NHSL2: variants seen among roughly 807,000 people sequenced by gnomAD.
NHSL2 encodes the protein NHS like 2, also known as NHS-like protein 2.
Under a neutral mutation model 53.4 loss-of-function variants are expected in NHSL2, and 27 were observed. That is an observed-to-expected ratio of 0.51 (90% CI 0.37 to 0.70). NHSL2 has a LOEUF of 0.70. NHSL2 is among the 30% of genes least tolerant of loss of function. The pLI is 0.00. For missense variants in NHSL2, 892 were observed against 980.1 expected, an observed-to-expected ratio of 0.91 and a Z score of 1.20; for synonymous variants, 408 against 404.1, an observed-to-expected ratio of 1.01 and a Z score of -0.12.
intron 1 of NHSL2, among the ~76,000 whole-genome samples, chrX:72,084,566 C>A (rs778947213): frequency 8.9e-6 from 1 of 112,113 alleles, no homozygotes; most frequent in South Asian, 3.7e-4. Flanking sequence ...CAGGCTGCCC[C>A]CAGGAGGAAG....
chrX:71,983,941 G>A (rs867425862), intron 1 of NHSL2, among the ~76,000 whole-genome samples: 11 of 111,005 alleles, frequency 9.9e-5, no homozygotes, highest in South Asian at 7.9e-4. Flanking sequence ...ATCTTGTGCC[G>A]ACCCCCTATC....
chrX:72,069,668 G>C (rs1422201412), intron 1 of NHSL2: 12 of 936,580 alleles, frequency 1.3e-5, no homozygotes, highest in Non-Finnish European at 2.6e-6. Context: ...CGCCGCGGTG[G>C]CTGCCAGTCC....
At chrX:72,135,124 G>A (rs1311338532) in intron 4 of NHSL2, among the ~76,000 whole-genome samples, 1 of 111,552 alleles carries the variant, frequency 9.0e-6, no homozygotes, top group Non-Finnish European at 1.9e-5. Flanking sequence ...TGGAGTGCTG[G>A]TGGTAACAAG....
rs1285756920 is a variant in NHSL2, at chrX:72,144,497, A to G, written c.*923A>G. Reference sequence around the variant, plus strand: ...TAAAATTCATTACAGGAAGTAATTAACTGAAGGAACAGCATCATCAAAGGC... The same window carrying G: ...TAAAATTCATTACAGGAAGTAATTAGCTGAAGGAACAGCATCATCAAAGGC... On this transcript the variant is annotated 3_prime_UTR_variant, in exon 8 of 8. Transcript: ENST00000633930. 3.9e-6 allele frequency: 4 copies of G among 1,013,577 alleles called. No individual in the cohort carries two copies. Among genetic ancestry groups the G allele is most frequent in the African/African-American group, 3.9e-5 (2 of 51,790 alleles). The allele number at this position is 1,013,577 out of a possible 1,213,427, so 83.5% of individuals were successfully genotyped here.
At position 72,134,164 on chromosome X, in the gene NHSL2, G is replaced by A; in HGVS notation, c.510G>A (p.Lys170=). The A allele has an allele frequency of 1.7e-6, 2 of 1,167,287 alleles. No homozygotes were observed. The highest frequency in any genetic ancestry group is 2.3e-6 in the Non-Finnish European group (2 of 872,104). ...TCCGCTCTTCTGATGAGGCCACTAAGCCCACCCCCAACCCAAGGCCCCAGT... is the reference window on the plus strand; with the variant it reads ...TCCGCTCTTCTGATGAGGCCACTAAACCCACCCCCAACCCAAGGCCCCAGT... ...QTFRSSDEAT[K]PTPNPRPQSA... The change falls in exon 3 of 8, where the codon AAG becomes AAA. Residue 170 remains lysine (K), a synonymous_variant. Transcript: ENST00000633930.
Position 72,147,238 on chromosome X carries a change from A to G in NHSL2, c.*3664A>G, listed in dbSNP as rs2042471158. 8.9e-6 allele frequency: 1 copy of G among 112,058 alleles called. No individual in the cohort carries two copies. The highest frequency in any genetic ancestry group is 1.9e-5 in the Non-Finnish European group (1 of 53,217). The allele number at this position is 112,058 out of a possible 1,213,427, so 9.2% of individuals were successfully genotyped here. A position where few individuals can be genotyped will look rare whatever the true frequency, so the allele number is the denominator to read the frequency against. ...CTTCCATTATCAAGTCTGTGACACA[A>G]TGGTGAGCTTTCGCTTTAATATGAT... On this transcript the variant is annotated 3_prime_UTR_variant, in exon 8 of 8. Coordinates refer to ENST00000633930, the MANE Select transcript of NHSL2 (RefSeq NM_001013627.3).
intron 1 of NHSL2, among the ~76,000 whole-genome samples, chrX:71,974,316 C>T (rs1378668724): frequency 9.0e-6 from 1 of 111,440 alleles, no homozygotes; most frequent in East Asian, 2.8e-4. Context: ...GGAAAGAAAG[C>T]ATATAGAACA....
At chrX:72,135,806 G>C (rs1292639294) in intron 4 of NHSL2, among the ~76,000 whole-genome samples, 2 of 111,979 alleles carry the variant, frequency 1.8e-5, no homozygotes, top group East Asian at 5.6e-4. Flanking sequence ...AGGCTGAGGT[G>C]GGTGGATCCT....
chrX:71,933,162 T>C, intron 1 of NHSL2, among the ~76,000 whole-genome samples: 2 of 111,845 alleles, frequency 1.8e-5, no homozygotes, highest in South Asian at 7.6e-4. Context: ...CTTCCAAGTA[T>C]CTGATTTGTA....
In NHSL2 at chrX:71,942,643, T is replaced by G. The variant is rs573997173; in HGVS notation, c.280+31276T>G. On this transcript the variant is annotated intron_variant, in intron 1 of 7. Coordinates refer to ENST00000633930, the MANE Select transcript of NHSL2 (RefSeq NM_001013627.3). ...TATTATTGTTTAAAGCCATGTAAAG[T>G]TTTAGAAAAGGAAGTTTATTTAAAG... is the stretch of plus-strand genomic sequence containing the variant. Among the ~76,000 whole-genome samples, 4 of 112,631 alleles carry G rather than the reference T, an allele frequency of 3.6e-5. No homozygotes were observed. The South Asian group carries it at 1.5e-3, about 42-fold the overall frequency.
At chrX:72,052,289 G>A (rs2042345114) in intron 1 of NHSL2, among the ~76,000 whole-genome samples, 1 of 112,361 alleles carries the variant, frequency 8.9e-6, no homozygotes, top group African/African-American at 3.2e-5. Flanking sequence ...AGGCACACCT[G>A]TCTGACTGGA....
In NHSL2 at chrX:71,964,011, G is replaced by GTGTATATATATATACATA. The variant is rs1556312263; in HGVS notation, c.280+52645_280+52646insGTATATATATATACATAT. ...TATATATGTATATACATATATATAT[G>GTGTATATATATATACATA]TATATATATATATGTGTATATATAT... On this transcript the variant is annotated intron_variant, in intron 1 of 7. Transcript: ENST00000633930. Among the ~76,000 whole-genome samples, 5 of 12,177 alleles carry GTGTATATATATATACATA rather than the reference G, an allele frequency of 4.1e-4. 1 individual carries two copies. The highest frequency in any genetic ancestry group is 1.3e-3 in the Non-Finnish European group (3 of 2,233). The allele number at this position is 12,177 out of a possible 115,157, so 10.6% of individuals were successfully genotyped here. A position where few individuals can be genotyped will look rare whatever the true frequency, so the allele number is the denominator to read the frequency against.
intron 1 of NHSL2, among the ~76,000 whole-genome samples, chrX:72,076,605 C>T (rs1396380463): frequency 8.9e-6 from 1 of 111,751 alleles, no homozygotes; most frequent in Non-Finnish European, 1.9e-5. Flanking sequence ...CATTATCAAG[C>T]TGGGAGAAAC....
At chrX:71,937,227 G>A (rs1199216161) in intron 1 of NHSL2, among the ~76,000 whole-genome samples, 1 of 111,601 alleles carries the variant, frequency 9.0e-6, no homozygotes, top group African/African-American at 3.3e-5. Flanking sequence ...GAACAAAAAG[G>A]TGGAGCTCAT....
At chrX:72,098,683 A>G (rs1262626379) in intron 1 of NHSL2, among the ~76,000 whole-genome samples, 1 of 111,804 alleles carries the variant, frequency 8.9e-6, no homozygotes, top group Non-Finnish European at 1.9e-5. Context: ...TCTGATTTTT[A>G]AAATTTTATT....
intron 1 of NHSL2, among the ~76,000 whole-genome samples, chrX:72,106,965 G>T (rs1367753686): frequency 9.3e-6 from 1 of 107,430 alleles, no homozygotes; most frequent in African/African-American, 3.4e-5. Flanking sequence ...GGCTTGTCGG[G>T]GGGTGGGGGC....
chrX:72,094,369 G>A (rs2041926917), intron 1 of NHSL2, among the ~76,000 whole-genome samples: 1 of 111,842 alleles, frequency 8.9e-6, no homozygotes, highest in African/African-American at 3.3e-5. Context: ...TTGTTTATGA[G>A]CACATACATA....
At chrX:72,040,098 AC>A (rs1409660688) in intron 1 of NHSL2, among the ~76,000 whole-genome samples, 5 of 112,318 alleles carry the variant, frequency 4.5e-5, no homozygotes. Context: ...GCTTGGGGCT[AC>A]AGGCAGCCTT....
chrX:71,930,433 A>G (rs1722989925), intron 1 of NHSL2, among the ~76,000 whole-genome samples: 1 of 112,641 alleles, frequency 8.9e-6, no homozygotes, highest in Non-Finnish European at 1.9e-5. Context: ...TTTAAAGTGT[A>G]TAATTCAGTG....
Sources: gnomAD v4.1 joint callset for allele counts (sites outside exome capture counted in the v4.1 genomes callset) on GRCh38, gnomAD v4.1.1 for gene constraint, MANE v1.5 for transcripts, NCBI Gene and HGNC (gene_info 2026-07-23, HGNC 2026-07-21) for gene names.